Variants in PTPRD observed in about 807,000 individuals in gnomAD.
PTPRD encodes the protein protein tyrosine phosphatase receptor type D, also known as receptor-type tyrosine-protein phosphatase delta.
In PTPRD, 34 loss-of-function variants were observed where a neutral mutation model predicts 214.5. The ratio of observed to expected loss-of-function variants is 0.16; its 90% confidence interval spans 0.12 to 0.21. The LOEUF is 0.21. Among genes scored for constraint, PTPRD ranks in the 10% least tolerant of loss-of-function variants. The pLI is 1.00. For missense variants in PTPRD, 2,545 were observed against 2,398.7 expected, an observed-to-expected ratio of 1.06 and a Z score of -1.27; for synonymous variants, 1,128 against 845.7, an observed-to-expected ratio of 1.33 and a Z score of -5.79.
chr9:8,593,509 A>G (rs2094267023), intron 14 of PTPRD, among the ~76,000 whole-genome samples: 2 of 152,198 alleles, frequency 1.3e-5, no homozygotes, highest in South Asian at 4.1e-4. Context: ...TAACTAGTAG[A>G]TCTTCTCAAA....
chr9:10,559,087 A>G (rs972112395), intron 2 of PTPRD, among the ~76,000 whole-genome samples: 10 of 152,138 alleles, frequency 6.6e-5, no homozygotes, highest in African/African-American at 2.2e-4. Context: ...CAAATGTAAT[A>G]TGAGTTAAAT....
In PTPRD at chr9:10,145,019, A is replaced by C. The variant is rs576628618; in HGVS notation, c.-544-111229T>G. On this transcript the variant is annotated intron_variant, in intron 3 of 45. Coordinates refer to ENST00000381196, the MANE Select transcript of PTPRD (RefSeq NM_002839.4). Reference sequence around the variant, plus strand: ...GTCTCCTCCTTTATCAGGAAAAAAAATATGAAAATAAACACACCGATTTTT... The same window carrying C: ...GTCTCCTCCTTTATCAGGAAAAAAACTATGAAAATAAACACACCGATTTTT... Among the ~76,000 whole-genome samples the C allele has an allele frequency of 1.1e-3, 161 of 152,256 alleles. 1 individual carries two copies. The highest frequency in any genetic ancestry group is 3.8e-3 in the African/African-American group (159 of 41,588).
In PTPRD at chr9:8,314,818, T is replaced by C; in HGVS notation, c.*3056A>G. ...TTCTTACAGATGGGTTCAAGTAATA[T>C]CATTATTGGGTGTAGAATCAATAGG... On this transcript the variant is annotated 3_prime_UTR_variant, in exon 46 of 46. Transcript: ENST00000381196. 8.6e-6 allele frequency: 2 copies of C among 232,386 alleles called. No homozygotes were observed. Among genetic ancestry groups the C allele is most frequent in the Non-Finnish European group, 1.7e-5 (2 of 117,252 alleles). 14.4% of individuals were successfully genotyped at this position (232,386 alleles called of 1,614,324 possible). A position where few individuals can be genotyped will look rare whatever the true frequency, so the allele number is the denominator to read the frequency against.
intron 7 of PTPRD, among the ~76,000 whole-genome samples, chr9:9,673,699 T>C (rs1329471987): frequency 1.3e-5 from 2 of 151,080 alleles, no homozygotes; most frequent in Non-Finnish European, 3.0e-5. Context: ...AATCAAAACC[T>C]ATATTGAGAA....
intron 7 of PTPRD, among the ~76,000 whole-genome samples, chr9:9,647,287 T>C (rs2096216866): frequency 6.6e-6 from 1 of 152,224 alleles, no homozygotes; most frequent in Admixed American, 6.5e-5. Context: ...AAAGACAATT[T>C]ATTTGATGAC....
intron 12 of PTPRD, among the ~76,000 whole-genome samples, chr9:8,669,200 G>C (rs577671589): frequency 6.6e-6 from 1 of 152,206 alleles, no homozygotes; most frequent in Non-Finnish European, 1.5e-5. Flanking sequence ...CCCCACTCTG[G>C]TACTGTTACT....
chr9:10,197,027 A>G (rs996246092), intron 3 of PTPRD, among the ~76,000 whole-genome samples: 9 of 152,138 alleles, frequency 5.9e-5, no homozygotes, highest in African/African-American at 2.2e-4. Context: ...AACTCTGAGA[A>G]ATAAATTTCT....
intron 39 of PTPRD, among the ~76,000 whole-genome samples, chr9:8,363,098 C>A (rs2078912009): frequency 6.6e-6 from 1 of 152,140 alleles, no homozygotes; most frequent in African/African-American, 2.4e-5. Context: ...TATCTGGAGA[C>A]CATTCGTGGT....
intron 2 of PTPRD, among the ~76,000 whole-genome samples, chr9:10,364,681 T>C (rs771674031): frequency 6.6e-6 from 1 of 152,196 alleles, no homozygotes. Context: ...AATTAAGATA[T>C]AGAACAATCA....
intron 3 of PTPRD, among the ~76,000 whole-genome samples, chr9:10,068,761 G>A (rs148025050): frequency 1.6e-4 from 25 of 151,884 alleles, no homozygotes; most frequent in Non-Finnish European, 3.1e-4. Context: ...CACTAACAGT[G>A]AAAAAAGAGT....
chr9:9,370,132 T>C lies in PTPRD; in HGVS notation c.-203+27317A>G, dbSNP rs531636701. Among the ~76,000 whole-genome samples, 50 of 152,284 alleles carry C rather than the reference T, an allele frequency of 3.3e-4. 1 individual carries two copies. In the South Asian group the frequency reaches 8.9e-3, roughly 27 times the overall value. On this transcript the variant is annotated intron_variant, in intron 9 of 45. Transcript: ENST00000381196. ...TCCATATGAACTTTAAAGTAGTTTT[T>C]TCCAATTCTGTGAAGAAAGTCATTG...
chr9:10,388,762 T>G (rs1038553096), intron 2 of PTPRD, among the ~76,000 whole-genome samples: 3 of 151,788 alleles, frequency 2.0e-5, no homozygotes, highest in Non-Finnish European at 4.4e-5. Flanking sequence ...TTTCTTCCTC[T>G]TTAAAAGTAA....
At chr9:8,813,476 T>A (rs2096857345) in intron 11 of PTPRD, among the ~76,000 whole-genome samples, 1 of 152,128 alleles carries the variant, frequency 6.6e-6, no homozygotes, top group Admixed American at 6.5e-5. Context: ...GCTGAAGCAA[T>A]CCTCCTGCCT....
At chr9:8,731,641 C>A (rs2098660243) in intron 12 of PTPRD, among the ~76,000 whole-genome samples, 1 of 152,134 alleles carries the variant, frequency 6.6e-6, no homozygotes, top group South Asian at 2.1e-4. Context: ...TTTTTAGTGA[C>A]TAAAATGATA....
chr9:8,795,448 G>A (rs2096385168), intron 11 of PTPRD, among the ~76,000 whole-genome samples: 1 of 152,102 alleles, frequency 6.6e-6, no homozygotes, highest in African/African-American at 2.4e-5. Context: ...GATTACAGGT[G>A]TGAGCCACCA....
At chr9:8,813,621 C>A (rs150538159) in intron 11 of PTPRD, among the ~76,000 whole-genome samples, 1 of 152,168 alleles carries the variant, frequency 6.6e-6, no homozygotes, top group Non-Finnish European at 1.5e-5. Flanking sequence ...AATCCTCCCG[C>A]CTCGGCCTCC....
intron 2 of PTPRD, among the ~76,000 whole-genome samples, chr9:10,346,556 G>A (rs994349392): frequency 6.6e-6 from 1 of 152,148 alleles, no homozygotes; most frequent in Non-Finnish European, 1.5e-5. Flanking sequence ...AGTGATATTA[G>A]AATTCCAGAA....
At chr9:8,318,141 C>A (rs140082045) in intron 45 of PTPRD, among the ~76,000 whole-genome samples, 199 bp from the exon 46 acceptor site, 3 of 151,884 alleles carry the variant, frequency 2.0e-5, no homozygotes, top group Non-Finnish European at 4.4e-5. Context: ...ATTAACTTTG[C>A]CAATCAATTT....
intron 4 of PTPRD, among the ~76,000 whole-genome samples, chr9:10,019,945 C>T (rs2096813103): frequency 6.6e-6 from 1 of 151,602 alleles, no homozygotes; most frequent in Admixed American, 6.6e-5. Context: ...AATTATAGTG[C>T]TTTCTTAGTG....
Sources: gnomAD v4.1 joint callset for allele counts (sites outside exome capture counted in the v4.1 genomes callset) on GRCh38, gnomAD v4.1.1 for gene constraint, MANE v1.5 for transcripts, NCBI Gene and HGNC (gene_info 2026-07-23, HGNC 2026-07-21) for gene names.